The following KLHL7 variants were observed in gnomAD, a reference collection of about 807,000 sequenced individuals.
The protein encoded by KLHL7 is kelch-like protein 7.
In KLHL7, 44 loss-of-function variants were observed where a neutral mutation model predicts 67.4. The observed-to-expected ratio is 0.65, with a 90% CI of 0.51 to 0.84. The LOEUF (loss-of-function observed/expected upper bound fraction) is 0.84, where lower values mean the gene tolerates loss of function less well. Ranked by LOEUF, KLHL7 falls within the 40% of genes least tolerant of loss-of-function variation. The pLI, the probability that KLHL7 is intolerant of heterozygous loss-of-function variation, is 0.00. For synonymous variants in KLHL7, 252 were observed against 243.3 expected (o/e 1.04, Z -0.33); for missense variants, 362 against 718.1 (o/e 0.50, Z 5.67).
At chr7:23,116,809 C>T (rs1177711551) in intron 1 of KLHL7, among the ~76,000 whole-genome samples, 2 of 152,170 alleles carry the variant, frequency 1.3e-5, no homozygotes, top group African/African-American at 4.8e-5. Context: ...ATCTAGTACT[C>T]TCCCTTACAG....
At chr7:23,172,795 CTT>C (rs997441330) in intron 9 of KLHL7, 151 bp from the exon 10 acceptor site, 5 of 615,770 alleles carry the variant, frequency 8.1e-6, no homozygotes, top group South Asian at 7.6e-5. Flanking sequence ...CATTGTTCAA[CTT>C]TTGTTTTCTA....
At chr7:23,155,867 T>C (rs1029344514) in intron 7 of KLHL7, 10 of 247,250 alleles carry the variant, frequency 4.0e-5, no homozygotes, top group Non-Finnish European at 8.7e-5. Flanking sequence ...GCAAGAAGAA[T>C]TCTGAGTTCA....
At chr7:23,123,056 C>T (rs1413706336) in intron 1 of KLHL7, among the ~76,000 whole-genome samples, 10 of 152,108 alleles carry the variant, frequency 6.6e-5, no homozygotes, top group Non-Finnish European at 1.2e-4. Context: ...TAAATTTTTT[C>T]TTTATTATTC....
intron 7 of KLHL7, among the ~76,000 whole-genome samples, chr7:23,154,003 C>T (rs1438699535): frequency 6.6e-6 from 1 of 152,168 alleles, no homozygotes; most frequent in African/African-American, 2.4e-5. Context: ...GACCCAGTTG[C>T]AGGAAAGCAG....
intron 4 of KLHL7, among the ~76,000 whole-genome samples, chr7:23,130,925 C>G (rs1283348854): frequency 2.6e-5 from 4 of 152,098 alleles, no homozygotes; most frequent in Admixed American, 1.3e-4. Context: ...AATTAGTAAA[C>G]AGGTATAGCA....
intron 1 of KLHL7, among the ~76,000 whole-genome samples, chr7:23,113,316 C>G (rs1298818082): frequency 6.6e-6 from 1 of 152,124 alleles, no homozygotes; most frequent in Non-Finnish European, 1.5e-5. Flanking sequence ...AAAGCCCTGT[C>G]TTTTGTTCTT....
At chr7:23,136,629 A>G (rs945712704) in intron 4 of KLHL7, among the ~76,000 whole-genome samples, 2 of 152,248 alleles carry the variant, frequency 1.3e-5, no homozygotes, top group African/African-American at 4.8e-5. Context: ...CACCTAAAAA[A>G]GAGGAGACAC....
In KLHL7 at chr7:23,177,770, A is replaced by T. The variant is rs1187101562; in HGVS notation, c.*3472A>T. 6.6e-6 allele frequency: 1 copy of T among 152,216 alleles called. No individual in the cohort carries two copies. The highest frequency in any genetic ancestry group is 6.5e-5 in the Admixed American group (1 of 15,282). 9.4% of individuals were successfully genotyped at this position (152,216 alleles called of 1,614,324 possible). ...TGTTGCTATTTGAAAAAAACAAAACAAAACATATACTTGTGACTTTGTGGT... is the reference window on the plus strand; with the variant it reads ...TGTTGCTATTTGAAAAAAACAAAACTAAACATATACTTGTGACTTTGTGGT... On this transcript the variant is annotated 3_prime_UTR_variant, in exon 11 of 11. Coordinates refer to ENST00000339077, the MANE Select transcript of KLHL7 (RefSeq NM_001031710.3).
rs1277631085 is a variant in KLHL7 at position 23,125,060 on chromosome 7, T to G, written c.330T>G (p.Asn110Lys). The G allele has an allele frequency of 6.2e-7, 1 of 1,612,354 alleles. No homozygotes were observed. ...EFAYTARISV[N>K]SNNVQSLLDA... is the part of the protein sequence containing the mutation. ...AACTTATTTGCAGAATTTCCGTGAATAGCAACAATGTTCAGTCTTTGCTGG... is the reference window on the plus strand; with the variant it reads ...AACTTATTTGCAGAATTTCCGTGAAGAGCAACAATGTTCAGTCTTTGCTGG... Residue 110 changes from asparagine (N) to lysine (K), a missense_variant, in exon 4 of 11, where the codon AAT (asparagine) becomes AAG (lysine). Transcript: ENST00000339077.
chr7:23,123,486 A>G (rs894162881), intron 1 of KLHL7, among the ~76,000 whole-genome samples: 1 of 135,482 alleles, frequency 7.4e-6, no homozygotes, highest in South Asian at 2.2e-4. Flanking sequence ...CTGTGTCAGA[A>G]AAAAAAAAAA....
chr7:23,140,461 G>T (rs1247373070), intron 4 of KLHL7, among the ~76,000 whole-genome samples: 1 of 152,216 alleles, frequency 6.6e-6, no homozygotes, highest in Admixed American at 6.5e-5. Context: ...GGAGGCTGAG[G>T]CAGGAGAATA....
chr7:23,106,684 A>G (rs944964385), intron 1 of KLHL7: 1 of 1,007,648 alleles, frequency 9.9e-7, no homozygotes. Context: ...CCATCGATAA[A>G]TACCATGCCA....
intron 8 of KLHL7, among the ~76,000 whole-genome samples, chr7:23,167,038 AT>A (rs1014434491): frequency 6.6e-6 from 1 of 152,106 alleles, no homozygotes; most frequent in Non-Finnish European, 1.5e-5. Context: ...ACGCAGAATT[AT>A]AAAGGTGTTG....
Position 23,172,979 on chromosome 7 carries a change from A to T in KLHL7, c.1411A>T (p.Arg471Trp). 1.9e-6 allele frequency: 3 copies of T among 1,613,894 alleles called. No homozygotes were observed. The highest frequency in any genetic ancestry group is 2.5e-6 in the Non-Finnish European group (3 of 1,179,830). ...TGAGCTGTGTCCAATGATTGAAGCC[A>T]GGAAGAATCATGGGCTGGTATTTGT... The part of the protein sequence containing the change: ...WTELCPMIEA[R>W]KNHGLVFVKD... The change falls in exon 10 of 11, where the codon AGG (arginine) becomes TGG (tryptophan). Residue 471 changes from arginine (R) to tryptophan (W), a missense_variant. Arg to Trp is a moderately radical substitution (Grantham distance 101). Coordinates refer to ENST00000339077, the MANE Select transcript of KLHL7 (RefSeq NM_001031710.3).
At chr7:23,119,151 C>G (rs1271527550) in intron 1 of KLHL7, among the ~76,000 whole-genome samples, 1 of 152,180 alleles carries the variant, frequency 6.6e-6, no homozygotes, top group Non-Finnish European at 1.5e-5. Context: ...ACAGTTACCC[C>G]TATCATTAAC....
At chr7:23,172,810 C>G (rs1197488186) in intron 9 of KLHL7, 138 bp from the exon 10 acceptor site, 1 of 677,082 alleles carries the variant, frequency 1.5e-6, no homozygotes, top group Admixed American at 2.2e-5. Context: ...GTTTTCTACC[C>G]TTCTAGACAT....
intron 4 of KLHL7, among the ~76,000 whole-genome samples, chr7:23,132,685 C>A (rs6971002): frequency 3.9e-5 from 6 of 152,098 alleles, no homozygotes; most frequent in African/African-American, 1.4e-4. Flanking sequence ...TTGGTTGCCT[C>A]TGCTTGTGGG....
intron 6 of KLHL7, among the ~76,000 whole-genome samples, chr7:23,147,412 C>G (rs549766805): frequency 6.6e-6 from 1 of 151,982 alleles, no homozygotes; most frequent in Non-Finnish European, 1.5e-5. Flanking sequence ...TTTTTATGGT[C>G]TTTTTTCCTT....
intron 1 of KLHL7, among the ~76,000 whole-genome samples, chr7:23,118,893 G>A (rs1783210370): frequency 6.6e-6 from 1 of 151,916 alleles, no homozygotes; most frequent in Non-Finnish European, 1.5e-5. Flanking sequence ...GCAACACAGT[G>A]AGACCTCGTC....
Sources: allele counts gnomAD v4.1 joint callset (sites outside exome capture counted in the v4.1 genomes callset), GRCh38; gene constraint gnomAD v4.1.1; transcripts MANE v1.5; gene names NCBI Gene and HGNC (gene_info 2026-07-23, HGNC 2026-07-21).